Variants in FHIT observed in about 807,000 individuals in gnomAD.
The protein encoded by FHIT is bis(5'-adenosyl)-triphosphatase.
Under a neutral mutation model 17.9 loss-of-function variants are expected in FHIT, and 19 were observed. That is an observed-to-expected ratio of 1.06 (90% CI 0.74 to 1.56). FHIT has a LOEUF of 1.56. FHIT is among the 40% of genes most tolerant of loss of function. The pLI, the probability that FHIT is intolerant of heterozygous loss-of-function variation, is 0.00. For synonymous variants in FHIT, 81 were observed against 69.7 expected, an observed-to-expected ratio of 1.16 and a Z score of -0.81; for missense variants, 248 against 189.2, an observed-to-expected ratio of 1.31 and a Z score of -1.82.
At chr3:60,487,764 C>T (rs2033902377) in intron 5 of FHIT, among the ~76,000 whole-genome samples, 1 of 152,104 alleles carries the variant, frequency 6.6e-6, no homozygotes, top group Non-Finnish European at 1.5e-5. Context: ...TAGCTCATTC[C>T]TTGACAAGTC....
At chr3:60,916,853 T>C (rs1413747047) in intron 3 of FHIT, among the ~76,000 whole-genome samples, 2 of 152,154 alleles carry the variant, frequency 1.3e-5, no homozygotes, top group African/African-American at 4.8e-5. Flanking sequence ...GTTTGTAATA[T>C]AAAGTGGAGA....
intron 8 of FHIT, among the ~76,000 whole-genome samples, chr3:59,870,025 C>T (rs1305284283): frequency 6.6e-6 from 1 of 152,114 alleles, no homozygotes; most frequent in Non-Finnish European, 1.5e-5. Context: ...CTCATACCAG[C>T]AATTATTATC....
At chr3:60,650,073 T>G (rs1331411537) in intron 4 of FHIT, among the ~76,000 whole-genome samples, 7 of 152,254 alleles carry the variant, frequency 4.6e-5, no homozygotes, top group African/African-American at 1.7e-4. Flanking sequence ...GTCTATACTG[T>G]GCTTCTGAGA....
intron 8 of FHIT, among the ~76,000 whole-genome samples, chr3:59,811,947 C>T (rs542860858): frequency 3.1e-4 from 47 of 152,248 alleles, no homozygotes; most frequent in African/African-American, 1.1e-3. Flanking sequence ...AGCCTTGTGC[C>T]CCCTTGGCAG....
chr3:60,489,586 T>C (rs1199658807), intron 5 of FHIT, among the ~76,000 whole-genome samples: 2 of 152,310 alleles, frequency 1.3e-5, no homozygotes, highest in African/African-American at 4.8e-5. Context: ...TCACACCTGC[T>C]TACACCATGC....
intron 2 of FHIT, among the ~76,000 whole-genome samples, chr3:61,095,520 T>C (rs11916720): frequency 0.86 from 130,717 of 152,168 alleles, 56,970 homozygotes; most frequent in African/African-American, 0.97. Flanking sequence ...AGGGTTGCCT[T>C]GAGACTTGCA....
intron 8 of FHIT, among the ~76,000 whole-genome samples, chr3:59,920,565 C>G (rs1379795761): frequency 6.6e-6 from 1 of 152,112 alleles, no homozygotes; most frequent in Non-Finnish European, 1.5e-5. Flanking sequence ...TCATTTTAAG[C>G]ACAGTTGGAA....
intron 7 of FHIT, among the ~76,000 whole-genome samples, chr3:59,971,472 C>A (rs1448569741): frequency 2.7e-5 from 4 of 150,232 alleles, no homozygotes; most frequent in African/African-American, 9.7e-5. Context: ...ATAGATAGAA[C>A]CTAAGGTTTC....
At chr3:59,933,196 T>C (rs1003127261) in intron 7 of FHIT, among the ~76,000 whole-genome samples, 4 of 152,170 alleles carry the variant, frequency 2.6e-5, no homozygotes, top group African/African-American at 9.7e-5. Context: ...GTGGGTTCTT[T>C]CACGGGCTGG....
chr3:59,889,815 C>A (rs1185090437), intron 8 of FHIT, among the ~76,000 whole-genome samples: 1 of 152,138 alleles, frequency 6.6e-6, no homozygotes, highest in Non-Finnish European at 1.5e-5. Flanking sequence ...AGCAACAGTA[C>A]AGTAATAAAT....
chr3:60,406,702 T>C (rs1701873488), intron 5 of FHIT, among the ~76,000 whole-genome samples: 3 of 148,302 alleles, frequency 2.0e-5, no homozygotes, highest in Non-Finnish European at 4.5e-5. Context: ...TGGGGTGGGG[T>C]ATACACCTGA....
chr3:60,871,610 T>C (rs2107069491), intron 3 of FHIT, among the ~76,000 whole-genome samples: 1 of 152,204 alleles, frequency 6.6e-6, no homozygotes. Flanking sequence ...AACGTGTAAG[T>C]CAGGATGCTA....
At chr3:60,645,284 A>T (rs1381837627) in intron 4 of FHIT, among the ~76,000 whole-genome samples, 1 of 152,134 alleles carries the variant, frequency 6.6e-6, no homozygotes, top group Non-Finnish European at 1.5e-5. Context: ...AAGCAGGAGC[A>T]TTCCTACCCT....
chr3:60,142,156 G>A (rs1427067909), intron 5 of FHIT, among the ~76,000 whole-genome samples: 1 of 152,160 alleles, frequency 6.6e-6, no homozygotes, highest in Non-Finnish European at 1.5e-5. Context: ...AAGAATGTAA[G>A]ATCTAAAGCC....
intron 8 of FHIT, among the ~76,000 whole-genome samples, chr3:59,836,982 C>G (rs931320928): frequency 1.3e-5 from 2 of 152,144 alleles, no homozygotes; most frequent in African/African-American, 4.8e-5. Flanking sequence ...TACGTCTATG[C>G]TATCATTTCT....
At chr3:61,087,523 G>C (rs2035343194) in intron 2 of FHIT, among the ~76,000 whole-genome samples, 1 of 152,082 alleles carries the variant, frequency 6.6e-6, no homozygotes, top group Admixed American at 6.6e-5. Context: ...TAAAATAAAT[G>C]TTATTTTGTA....
chr3:60,897,926 G>T (rs1371149493), intron 3 of FHIT, among the ~76,000 whole-genome samples: 2 of 152,012 alleles, frequency 1.3e-5, no homozygotes, highest in Non-Finnish European at 2.9e-5. Context: ...ATACTTTATT[G>T]TCTCTCATTG....
At chr3:61,174,350 A>G (rs1201555145) in intron 2 of FHIT, among the ~76,000 whole-genome samples, 1 of 152,252 alleles carries the variant, frequency 6.6e-6, no homozygotes, top group African/African-American at 2.4e-5. Context: ...TTATACTGCA[A>G]TGCTGAGGAA....
chr3:60,234,355 A>G (rs967510472), intron 5 of FHIT, among the ~76,000 whole-genome samples: 10 of 152,222 alleles, frequency 6.6e-5, no homozygotes, highest in Non-Finnish European at 1.2e-4. Context: ...CTACTTACAC[A>G]TATTAACACA....
Sources: gnomAD v4.1 joint callset for allele counts (sites outside exome capture counted in the v4.1 genomes callset) on GRCh38, gnomAD v4.1.1 for gene constraint, MANE v1.5 for transcripts, NCBI Gene and HGNC (gene_info 2026-07-23, HGNC 2026-07-21) for gene names.